Variants in STX2 observed in about 807,000 individuals in gnomAD.
STX2 encodes the protein syntaxin-2.
Under a neutral mutation model 40.6 loss-of-function variants are expected in STX2, and 27 were observed. The observed-to-expected ratio is 0.66, with a 90% CI of 0.49 to 0.92. The LOEUF is 0.92. STX2 is among the 40% of genes least tolerant of loss of function. The pLI, the probability that STX2 is intolerant of heterozygous loss-of-function variation, is 0.00. For missense variants in STX2, 328 were observed against 366.1 expected (o/e 0.90, Z 0.85); for synonymous variants, 123 against 119.1 (o/e 1.03, Z -0.22).
chr12:130,823,148 T>A (rs1464785353), intron 2 of STX2, among the ~76,000 whole-genome samples: 2 of 150,458 alleles, frequency 1.3e-5, no homozygotes, highest in Admixed American at 6.6e-5. Flanking sequence ...ACAAAAACTT[T>A]AAAAAAAAAG....
chr12:130,796,005 G>A lies in STX2; in HGVS notation c.*35C>T. On this transcript the variant is annotated 3_prime_UTR_variant, in exon 10 of 11. Transcript: ENST00000392373. ...TGATGAGTTACTTACTCCCACCCTGGCAGAGAGGCATGCACACTGACGTTA... is the reference window on the plus strand; with the variant it reads ...TGATGAGTTACTTACTCCCACCCTGACAGAGAGGCATGCACACTGACGTTA... 1 of 1,608,746 alleles carries A rather than the reference G, an allele frequency of 6.2e-7. No homozygotes were observed. The highest frequency in any genetic ancestry group is 8.5e-7 in the Non-Finnish European group (1 of 1,178,048).
At chr12:130,805,528 G>A (rs1296077536) in intron 6 of STX2, among the ~76,000 whole-genome samples, 2 of 152,202 alleles carry the variant, frequency 1.3e-5, no homozygotes, top group African/African-American at 2.4e-5. Flanking sequence ...CACAGACCCC[G>A]CATGCTCACT....
At chr12:130,835,683 A>C (rs1952734411) in intron 1 of STX2, among the ~76,000 whole-genome samples, 1 of 152,114 alleles carries the variant, frequency 6.6e-6, no homozygotes, top group Non-Finnish European at 1.5e-5. Flanking sequence ...GTCTCTCTGC[A>C]CCCAGCACAT....
chr12:130,807,545 T>C (rs957718356), intron 5 of STX2, among the ~76,000 whole-genome samples: 9 of 144,144 alleles, frequency 6.2e-5, no homozygotes, highest in African/African-American at 1.6e-4. Context: ...TTCATCGCCT[T>C]GTGCCCATGA....
chr12:130,829,414 A>G (rs961599879), intron 1 of STX2, among the ~76,000 whole-genome samples: 4 of 152,354 alleles, frequency 2.6e-5, no homozygotes, highest in African/African-American at 7.2e-5. Flanking sequence ...ACGGCAGAGC[A>G]GAAAACGGCC....
At chr12:130,797,977 G>A (rs773407096) in intron 9 of STX2, among the ~76,000 whole-genome samples, 7 of 152,222 alleles carry the variant, frequency 4.6e-5, no homozygotes, top group Non-Finnish European at 1.0e-4. Flanking sequence ...GCCAGGCACC[G>A]TGCCTCACGC....
intron 3 of STX2, among the ~76,000 whole-genome samples, chr12:130,817,196 C>T (rs1951892707): frequency 6.6e-6 from 1 of 150,804 alleles, no homozygotes; most frequent in Admixed American, 6.6e-5. Flanking sequence ...TTACAAGACA[C>T]AGACGTTAAA....
intron 3 of STX2, among the ~76,000 whole-genome samples, chr12:130,817,378 A>G (rs1355999530): frequency 6.6e-6 from 1 of 152,208 alleles, no homozygotes; most frequent in Non-Finnish European, 1.5e-5. Flanking sequence ...AAATCAAACG[A>G]TAAGTCAGGG....
At chr12:130,802,796 C>G (rs1314370364) in intron 6 of STX2, among the ~76,000 whole-genome samples, 1 of 152,186 alleles carries the variant, frequency 6.6e-6, no homozygotes, top group African/African-American at 2.4e-5. Flanking sequence ...AGCCACCACA[C>G]CCTGCCCACC....
intron 1 of STX2, among the ~76,000 whole-genome samples, chr12:130,835,418 C>G (rs1449571308): frequency 6.6e-6 from 1 of 152,174 alleles, no homozygotes; most frequent in Admixed American, 6.5e-5. Context: ...ATCATGCAAA[C>G]AATTCCCACA....
At chr12:130,827,087 G>A in intron 2 of STX2, 106 bp downstream of exon 2, 1 of 582,372 alleles carries the variant, frequency 1.7e-6, no homozygotes. Context: ...GGGGTGGGGA[G>A]GGGAGGGGAG....
In STX2 at chr12:130,823,903, A is replaced by G. The variant is rs377462669; in HGVS notation, c.106-2115T>C. Among the ~76,000 whole-genome samples the G allele has an allele frequency of 2.6e-4, 40 of 152,332 alleles. 2 individuals are homozygous for G. The East Asian group carries it at 6.2e-3, about 23-fold the overall frequency. On this transcript the variant is annotated intron_variant, in intron 2 of 10. Coordinates refer to ENST00000392373, the MANE Select transcript of STX2 (RefSeq NM_194356.4). The stretch of plus-strand genomic sequence containing the variant: ...ATAGACAGCACCCTGATCATCACAG[A>G]TATTTCTGGGTTTGGTGTGTTGGCT...
intron 4 of STX2, among the ~76,000 whole-genome samples, chr12:130,809,110 G>A (rs1451691461): frequency 5.3e-5 from 8 of 152,128 alleles, no homozygotes; most frequent in Non-Finnish European, 1.5e-5. Flanking sequence ...CAACTGATCC[G>A]CCTGCCTTGG....
chr12:130,821,960 T>C (rs1952133364), intron 2 of STX2, among the ~76,000 whole-genome samples, 172 bp from the exon 3 acceptor site: 1 of 152,206 alleles, frequency 6.6e-6, no homozygotes. Flanking sequence ...AGATATATCC[T>C]ATGAATATTT....
chr12:130,793,151 T>C (rs551969390), intron 10 of STX2, among the ~76,000 whole-genome samples: 32 of 152,278 alleles, frequency 2.1e-4, no homozygotes, highest in African/African-American at 7.2e-4. Flanking sequence ...TACAGGGTTA[T>C]CAAGAGGCGC....
At chr12:130,810,671 T>C (rs1300512075) in intron 4 of STX2, 1 of 152,216 alleles carries the variant, frequency 6.6e-6, no homozygotes, top group African/African-American at 2.4e-5. Flanking sequence ...TTAAGGATAA[T>C]GCAGCAATGA....
At chr12:130,799,141 C>T (rs1158376200) in intron 8 of STX2, among the ~76,000 whole-genome samples, 2 of 152,188 alleles carry the variant, frequency 1.3e-5, no homozygotes, top group Non-Finnish European at 2.9e-5. Context: ...GTGAATTCAG[C>T]AAAGTGTGAG....
chr12:130,798,756 G>A, intron 8 of STX2, 121 bp from the exon 9 acceptor site: 1 of 598,208 alleles, frequency 1.7e-6, no homozygotes. Context: ...GATACTGAGG[G>A]TTTTTTTCAC....
intron 9 of STX2, among the ~76,000 whole-genome samples, chr12:130,797,324 A>C (rs1640602602): frequency 6.6e-6 from 1 of 152,228 alleles, no homozygotes; most frequent in Admixed American, 6.5e-5. Flanking sequence ...TAAGTTAAGC[A>C]CTTTATACAG....
Sources: allele counts gnomAD v4.1 joint callset (sites outside exome capture counted in the v4.1 genomes callset), GRCh38; gene constraint gnomAD v4.1.1; transcripts MANE v1.5; gene names NCBI Gene and HGNC (gene_info 2026-07-23, HGNC 2026-07-21).